LRMDA: variants seen among roughly 807,000 people sequenced by gnomAD.
LRMDA encodes leucine rich melanocyte differentiation associated.
In LRMDA, 18 loss-of-function variants were observed where a neutral mutation model predicts 29.8. That is an observed-to-expected ratio of 0.60 (90% CI 0.42 to 0.90). The LOEUF (loss-of-function observed/expected upper bound fraction) is 0.90, where lower values mean the gene tolerates loss of function less well. LRMDA is among the 40% of genes least tolerant of loss of function. The pLI is 0.00. For synonymous variants in LRMDA, 125 were observed against 109.4 expected (o/e 1.14, Z -0.89); for missense variants, 273 against 273.9 (o/e 1.00, Z 0.02).
chr10:76,091,759 C>A lies in LRMDA; in HGVS notation c.516+32976C>A, dbSNP rs1589323070. On this transcript the variant is annotated intron_variant, in intron 5 of 6. Coordinates refer to ENST00000611255, the MANE Select transcript of LRMDA (RefSeq NM_001305581.2). ...CTAGAGTACAGTGGTGATCATGGTT[C>A]ATTGTAACCTCAAACTCCTGGGCTC... Among the ~76,000 whole-genome samples the A allele has an allele frequency of 3.9e-5, 6 of 152,250 alleles. No homozygotes were observed. The South Asian group carries it at 1.2e-3, about 32-fold the overall frequency.
At chr10:76,394,497 C>A (rs1841760062) in intron 6 of LRMDA, among the ~76,000 whole-genome samples, 1 of 152,118 alleles carries the variant, frequency 6.6e-6, no homozygotes, top group African/African-American at 2.4e-5. Flanking sequence ...GGTTGTGTTC[C>A]TGACTGAAGA....
intron 2 of LRMDA, among the ~76,000 whole-genome samples, chr10:75,665,142 A>G (rs756919957): frequency 5.9e-5 from 9 of 152,232 alleles, no homozygotes; most frequent in Non-Finnish European, 1.3e-4. Flanking sequence ...GCAGATTTTT[A>G]TCTGGCACCT....
chr10:75,749,136 C>T lies in LRMDA; in HGVS notation c.132-286872C>T, dbSNP rs141400353. Among the ~76,000 whole-genome samples, 674 of 152,272 alleles carry T rather than the reference C, an allele frequency of 4.4e-3. 5 individuals carry two copies. The highest frequency in any genetic ancestry group is 0.015 in the African/African-American group (623 of 41,526). On this transcript the variant is annotated intron_variant, in intron 2 of 6. Coordinates refer to ENST00000611255, the MANE Select transcript of LRMDA (RefSeq NM_001305581.2). ...AAGATAATGAGGATGATGTCCTTTA[C>T]GATGATCCACTTTCACTTAATGAAT...
chr10:75,538,249 A>T (rs1839975439), intron 2 of LRMDA, among the ~76,000 whole-genome samples: 1 of 152,168 alleles, frequency 6.6e-6, no homozygotes, highest in Non-Finnish European at 1.5e-5. Flanking sequence ...AGACCCTAGA[A>T]GCTTTGTGCT....
intron 6 of LRMDA, among the ~76,000 whole-genome samples, chr10:76,462,951 G>A (rs974600862): frequency 3.3e-5 from 5 of 152,132 alleles, no homozygotes; most frequent in East Asian, 3.9e-4. Flanking sequence ...CTACCCAACC[G>A]AGGCAGTGCA....
intron 5 of LRMDA, among the ~76,000 whole-genome samples, chr10:76,101,471 T>C (rs572602584): frequency 4.6e-5 from 7 of 152,348 alleles, no homozygotes; most frequent in African/African-American, 1.7e-4. Context: ...GCACAGTGGC[T>C]CATGCCTGTA....
rs187567087 is a variant in LRMDA at position 75,685,704 on chromosome 10, G to T, written c.131+247210G>T. On this transcript the variant is annotated intron_variant, in intron 2 of 6. Transcript: ENST00000611255. ...TCATGTCATAAAGGCGATGACAGAA[G>T]TATGTACAATATATTTGCAGTGGAT... 2.3e-3 allele frequency among the ~76,000 whole-genome samples: 351 copies of T among 152,338 alleles called. 2 individuals are homozygous for T. Among genetic ancestry groups the T allele is most frequent in the African/African-American group, 8.2e-3 (341 of 41,572 alleles).
intron 2 of LRMDA, among the ~76,000 whole-genome samples, chr10:75,996,054 A>C (rs1847456260): frequency 6.6e-6 from 1 of 152,210 alleles, no homozygotes; most frequent in Non-Finnish European, 1.5e-5. Flanking sequence ...CATGAAGTTA[A>C]GCACAATTTA....
intron 2 of LRMDA, among the ~76,000 whole-genome samples, chr10:75,886,972 G>C (rs1845401764): frequency 6.6e-6 from 1 of 152,068 alleles, no homozygotes; most frequent in Non-Finnish European, 1.5e-5. Context: ...TAACATCCAA[G>C]GTGTGTCTCT....
chr10:75,827,153 A>G (rs533303404), intron 2 of LRMDA, among the ~76,000 whole-genome samples: 3 of 152,286 alleles, frequency 2.0e-5, no homozygotes, highest in African/African-American at 7.2e-5. Flanking sequence ...TGCACATCGC[A>G]TGTTTTTGTG....
At chr10:75,982,103 A>G (rs1175083738) in intron 2 of LRMDA, among the ~76,000 whole-genome samples, 2 of 152,150 alleles carry the variant, frequency 1.3e-5, no homozygotes, top group African/African-American at 4.8e-5. Flanking sequence ...ATGCCAGTGA[A>G]TGCCACCCTC....
rs185406410 is a variant in LRMDA, at chr10:75,701,724, A to G, written c.131+263230A>G. 2.2e-3 allele frequency among the ~76,000 whole-genome samples: 332 copies of G among 152,284 alleles called. 2 individuals carry two copies. The highest frequency in any genetic ancestry group is 6.0e-3 in the African/African-American group (248 of 41,556). ...CTCAGTCTTTAAAACACAAGAACAA[A>G]GGGCAGTTTCTGGAAATCTTCTTGT... On this transcript the variant is annotated intron_variant, in intron 2 of 6. Transcript: ENST00000611255.
At chr10:75,547,316 C>G (rs1336221272) in intron 2 of LRMDA, among the ~76,000 whole-genome samples, 1 of 152,182 alleles carries the variant, frequency 6.6e-6, no homozygotes, top group African/African-American at 2.4e-5. Context: ...AGGAGAAGAC[C>G]AGGCCTATGT....
At chr10:75,984,805 G>A (rs982567259) in intron 2 of LRMDA, among the ~76,000 whole-genome samples, 12 of 152,204 alleles carry the variant, frequency 7.9e-5, no homozygotes, top group African/African-American at 2.7e-4. Context: ...CAAACCCCCA[G>A]TCTGAGAGAA....
At chr10:75,938,230 A>G (rs1846328658) in intron 2 of LRMDA, among the ~76,000 whole-genome samples, 1 of 152,148 alleles carries the variant, frequency 6.6e-6, no homozygotes, top group Non-Finnish European at 1.5e-5. Flanking sequence ...ATTACACCCA[A>G]TTTGGGAGAT....
chr10:76,467,182 C>T (rs551898510), intron 6 of LRMDA, among the ~76,000 whole-genome samples: 7 of 152,266 alleles, frequency 4.6e-5, no homozygotes, highest in East Asian at 1.9e-4. Flanking sequence ...CTATGGAAAA[C>T]GTGAATTAAG....
At chr10:75,771,000 G>C (rs1014883841) in intron 2 of LRMDA, among the ~76,000 whole-genome samples, 5 of 152,234 alleles carry the variant, frequency 3.3e-5, no homozygotes, top group Admixed American at 2.6e-4. Context: ...TCCGTGGGGA[G>C]GTAATAGACG....
At chr10:76,053,703 A>G (rs773782982) in intron 4 of LRMDA, among the ~76,000 whole-genome samples, 1 of 152,322 alleles carries the variant, frequency 6.6e-6, no homozygotes, top group African/African-American at 2.4e-5. Flanking sequence ...TCTGGCAGAC[A>G]TGGCCACTGG....
chr10:76,063,920 G>A (rs1482010067), intron 5 of LRMDA, among the ~76,000 whole-genome samples: 1 of 152,112 alleles, frequency 6.6e-6, no homozygotes, highest in Non-Finnish European at 1.5e-5. Flanking sequence ...GAAGCTGCTC[G>A]CCCCTGGGGT....
Sources: gnomAD v4.1 joint callset for allele counts (sites outside exome capture counted in the v4.1 genomes callset) on GRCh38, gnomAD v4.1.1 for gene constraint, MANE v1.5 for transcripts, NCBI Gene and HGNC (gene_info 2026-07-23, HGNC 2026-07-21) for gene names.